MYNN: variants seen among roughly 807,000 people sequenced by gnomAD.
MYNN encodes zinc finger and BTB domain-containing protein 31.
In MYNN, 22 loss-of-function variants were observed where a neutral mutation model predicts 57.2. The observed-to-expected ratio is 0.38, with a 90% CI of 0.27 to 0.55. The LOEUF (loss-of-function observed/expected upper bound fraction) is 0.55. Ranked by LOEUF, MYNN falls within the 20% of genes least tolerant of loss-of-function variation. MYNN has a pLI of 0.71. For missense variants in MYNN, 566 were observed against 723.1 expected (o/e 0.78, Z 2.49); for synonymous variants, 241 against 257.1 (o/e 0.94, Z 0.60).
rs10681957 is a variant in MYNN, at chr3:169,776,694, A to ATT, written c.267-2048_267-2047dup. Among the ~76,000 whole-genome samples, 515 of 105,684 alleles carry ATT rather than the reference A, an allele frequency of 4.9e-3. 42 individuals carry two copies. Among genetic ancestry groups the ATT allele is most frequent in the African/African-American group, 0.011 (283 of 26,518 alleles). 69.3% of individuals were successfully genotyped at this position (105,684 alleles called of 152,430 possible). On this transcript the variant is annotated intron_variant, in intron 2 of 7. Transcript: ENST00000349841. ...GAATTACCATTTCAATGTTGAACAA[A>ATT]TTTTTTTTTTTTTTTTTTTTTTTTT...
chr3:169,774,209 C>A (rs144366076), intron 1 of MYNN, 56 bp from the exon 2 acceptor site: 8 of 1,373,270 alleles, frequency 5.8e-6, no homozygotes, highest in Non-Finnish European at 8.1e-6. Context: ...CCTTCCCTCA[C>A]TGAACGTTGA....
chr3:169,775,139 A>T (rs1778296507), intron 2 of MYNN, among the ~76,000 whole-genome samples: 1 of 151,804 alleles, frequency 6.6e-6, no homozygotes, highest in South Asian at 2.1e-4. Flanking sequence ...CCTCATTCTG[A>T]CTCCTGTTAT....
At position 169,779,370 on chromosome 3, in the gene MYNN, G is replaced by T. The variant is rs1560587239; in HGVS notation, c.869G>T (p.Gly290Val). The T allele has an allele frequency of 6.2e-7, 1 of 1,614,158 alleles. No homozygotes were observed. Among genetic ancestry groups the T allele is most frequent in the Non-Finnish European group, 8.5e-7 (1 of 1,180,040 alleles). The change falls in exon 3 of 8, where the codon GGG (glycine) becomes GTG (valine). Residue 290 changes from glycine to valine, a missense_variant. By Grantham distance (109) the Gly-to-Val change is moderately radical (BLOSUM62 -3). Around this residue, in one of 4 missense-constraint regions of MYNN, gnomAD observed 123 missense variants for 222.6 expected, o/e 0.55. Coordinates refer to ENST00000349841, the MANE Select transcript of MYNN (RefSeq NM_018657.5). ...VKSPYEAENSGEELDQRYSKA... is the reference protein window; with the variant it reads ...VKSPYEAENSVEELDQRYSKA... ...AGTCCTTATGAGGCGGAGAACTCCGGGGAAGAGCTGGATCAGAGGTATTCC... is the reference window on the plus strand; with the variant it reads ...AGTCCTTATGAGGCGGAGAACTCCGTGGAAGAGCTGGATCAGAGGTATTCC...
At position 169,782,156 on chromosome 3, in the gene MYNN, T is replaced by C. The variant is rs1190718530; in HGVS notation, c.1221-309T>C. On this transcript the variant is annotated intron_variant, in intron 4 of 7. Coordinates refer to ENST00000349841, the MANE Select transcript of MYNN (RefSeq NM_018657.5). This position sits in a 1 kb window ranked among gnomAD's most constrained non-coding sequence, Gnocchi z 4.8. ...CAATGGGCAAGGAGATGCTGATGGT[T>C]TGAGGAGAGAGTTCACAAGTCAAAG... Among the ~76,000 whole-genome samples the C allele has an allele frequency of 6.6e-6, 1 of 152,092 alleles. No homozygotes were observed. The highest frequency in any genetic ancestry group is 2.4e-5 in the African/African-American group (1 of 41,420).
chr3:169,784,525 A>G (rs1167868935), intron 6 of MYNN, 97 bp from the exon 7 acceptor site: 1 of 723,106 alleles, frequency 1.4e-6, no homozygotes, highest in Non-Finnish European at 2.3e-6. Flanking sequence ...TTTAAACACT[A>G]TAATAATTTT....
intron 2 of MYNN, among the ~76,000 whole-genome samples, chr3:169,775,509 G>C (rs1201816966): frequency 2.0e-5 from 3 of 152,110 alleles, no homozygotes; most frequent in Admixed American, 6.5e-5. Context: ...ATGTCTCCTT[G>C]AGCATGATGC....
chr3:169,777,729 G>T (rs1288225098), intron 2 of MYNN: 2 of 152,196 alleles, frequency 1.3e-5, no homozygotes, highest in African/African-American at 2.4e-5. Flanking sequence ...ACCACACATG[G>T]TAGATGCTTA....
Position 169,782,705 on chromosome 3 carries a change from G to A in MYNN, c.1399+62G>A, listed in dbSNP as rs951457374. 5.8e-5 allele frequency: 81 copies of A among 1,386,800 alleles called. No homozygotes were observed. Among genetic ancestry groups the A allele is most frequent in the Non-Finnish European group, 7.7e-5 (78 of 1,013,540 alleles). 85.9% of individuals were successfully genotyped at this position (1,386,800 alleles called of 1,614,324 possible). On this transcript the variant is annotated intron_variant, in intron 5 of 7. Coordinates refer to ENST00000349841, the MANE Select transcript of MYNN (RefSeq NM_018657.5). The surrounding 1 kb of genome is among the most constrained non-coding windows in gnomAD (Gnocchi z 4.8). ...TATAAATAAAAGAAAAAGGGGACTT[G>A]GGCCTTTTAGCGAAGTAGATCGGAA...
intron 4 of MYNN, among the ~76,000 whole-genome samples, chr3:169,781,945 G>C (rs1778531080): frequency 1.3e-5 from 2 of 152,072 alleles, no homozygotes; most frequent in Non-Finnish European, 2.9e-5. Flanking sequence ...CAGTATATTT[G>C]TATACCATAA....
intron 2 of MYNN, chr3:169,778,324 A>G (rs1397870794): frequency 6.4e-6 from 1 of 156,248 alleles, no homozygotes; most frequent in Non-Finnish European, 1.4e-5. Flanking sequence ...TGGGAAACAT[A>G]ATTAAAGTCC....
In MYNN at chr3:169,774,249, T is replaced by C; in HGVS notation, c.-31-16T>C. The C allele has an allele frequency of 1.3e-6, 2 of 1,588,772 alleles. No homozygotes were observed. Among genetic ancestry groups the C allele is most frequent in the Admixed American group, 1.7e-5 (1 of 58,626 alleles). ...AACTTACGGTTACTGATTTACTGTT[T>C]CTTTTTGTCTTTTAGATCAAGGGTA... On this transcript the variant is annotated splice_polypyrimidine_tract_variant and intron_variant, in intron 1 of 7. Coordinates refer to ENST00000349841, the MANE Select transcript of MYNN (RefSeq NM_018657.5).
intron 7 of MYNN, among the ~76,000 whole-genome samples, chr3:169,786,004 A>G (rs1256876321): frequency 6.6e-6 from 1 of 152,114 alleles, no homozygotes. Context: ...ACTGTTTAAT[A>G]TTTTGAGGGA....
intron 2 of MYNN, among the ~76,000 whole-genome samples, chr3:169,775,335 T>C (rs924519762): frequency 3.6e-4 from 55 of 152,132 alleles, no homozygotes; most frequent in African/African-American, 1.3e-3. Context: ...CATTTACAGA[T>C]TGTAGGGGAA....
intron 2 of MYNN, chr3:169,777,539 G>A (rs1007499205): frequency 1.3e-5 from 2 of 151,852 alleles, no homozygotes; most frequent in African/African-American, 4.8e-5. Context: ...CATGTTTTTA[G>A]TGTTAACACC....
chr3:169,788,005 A>C lies in MYNN; in HGVS notation c.*1327A>C, dbSNP rs1271923626. 1.3e-5 allele frequency: 2 copies of C among 151,896 alleles called. No individual in the cohort carries two copies. Among genetic ancestry groups the C allele is most frequent in the African/African-American group, 4.8e-5 (2 of 41,364 alleles). The allele number at this position is 151,896 out of a possible 1,614,324, so 9.4% of individuals were successfully genotyped here. The stretch of plus-strand genomic sequence containing the variant: ...CCACAAGGCTGTTGTTCAGTGTGAG[A>C]TGACATCATTTCTTATTTCTGCCAT... On this transcript the variant is annotated 3_prime_UTR_variant, in exon 8 of 8. Transcript: ENST00000349841.
Position 169,779,041 on chromosome 3 carries a change from A to AAAG in MYNN, c.550_552dup (p.Lys184dup), listed in dbSNP as rs531197853. The AAAG allele has an allele frequency of 6.2e-7, 1 of 1,614,104 alleles. No individual in the cohort carries two copies. Among genetic ancestry groups the AAAG allele is most frequent in the South Asian group, 1.1e-5 (1 of 91,086 alleles). On this transcript the variant is annotated inframe_insertion, in exon 3 of 8. Transcript: ENST00000349841. ...TAGCGAAAAAGTCATCTCAAACGAA[A>AAAG]AAGAAGAAGAAGGCTTTCAACTCCC...
In MYNN at chr3:169,782,844, ATAAAT is replaced by A. The variant is rs1044123772; in HGVS notation, c.1399+204_1399+208del. On this transcript the variant is annotated intron_variant, in intron 5 of 7. Coordinates refer to ENST00000349841, the MANE Select transcript of MYNN (RefSeq NM_018657.5). This position sits in a 1 kb window ranked among gnomAD's most constrained non-coding sequence, Gnocchi z 4.8. ...TCTAGAATAATACAAGGTGGGTGAA[ATAAAT>A]TATATAACTTACACATTAAAATCAG... Among the ~76,000 whole-genome samples the A allele has an allele frequency of 6.6e-6, 1 of 152,200 alleles. No homozygotes were observed. The highest frequency in any genetic ancestry group is 1.5e-5 in the Non-Finnish European group (1 of 68,024).
intron 4 of MYNN, among the ~76,000 whole-genome samples, chr3:169,781,911 GT>G (rs1048811122): frequency 6.6e-6 from 1 of 151,396 alleles, no homozygotes. Flanking sequence ...TTTGTTTTTG[GT>G]TTTTTTTTAA....
intron 6 of MYNN, 51 bp from the exon 7 acceptor site, chr3:169,784,571 A>G (rs1260010332): frequency 8.3e-7 from 1 of 1,209,104 alleles, no homozygotes; most frequent in East Asian, 2.4e-5. Flanking sequence ...TTTTTGTCTT[A>G]GCTAGCAGCT....
Sources: gnomAD v4.1 joint callset for allele counts (sites outside exome capture counted in the v4.1 genomes callset) on GRCh38, gnomAD v4.1.1 for gene constraint, gnomAD v4.1.1 regional missense constraint, Gnocchi (gnomAD v3.1) non-coding constraint, MANE v1.5 for transcripts, NCBI Gene and HGNC (gene_info 2026-07-23, HGNC 2026-07-21) for gene names.